The following DDX10 variants were observed in gnomAD, a reference collection of about 807,000 sequenced individuals.
DDX10 encodes the protein probable ATP-dependent RNA helicase DDX10.
DDX10 carries 74 observed loss-of-function variants against 104.3 expected under a neutral mutation model. That is an observed-to-expected ratio of 0.71 (90% confidence interval 0.59 to 0.86). The LOEUF (loss-of-function observed/expected upper bound fraction) is 0.86, where lower values mean the gene tolerates loss of function less well. Ranked by LOEUF, DDX10 falls within the 40% of genes least tolerant of loss-of-function variation. The pLI is 0.00. For synonymous variants in DDX10, 351 were observed against 353.4 expected, an observed-to-expected ratio of 0.99 and a Z score of 0.08; for missense variants, 952 against 1,040.0, an observed-to-expected ratio of 0.92 and a Z score of 1.16.
intron 16 of DDX10, among the ~76,000 whole-genome samples, chr11:108,874,890 G>A (rs1863131448): frequency 6.6e-6 from 1 of 152,072 alleles, no homozygotes; most frequent in Non-Finnish European, 1.5e-5. Flanking sequence ...TGAAAAAGAG[G>A]CTCTGGAATC....
chr11:108,707,704 A>C (rs895394070), intron 10 of DDX10, among the ~76,000 whole-genome samples: 3 of 152,198 alleles, frequency 2.0e-5, no homozygotes, highest in Admixed American at 2.0e-4. Context: ...ATAGGTTACT[A>C]AATAGAGGGT....
In DDX10 at chr11:108,867,434, A is replaced by G. The variant is rs763111728; in HGVS notation, c.2304+15225A>G. ...TTGGGAAATGTTGGTTGTTCAATTT[A>G]GGCCAATAATTTTTAAAATTGAGAT... On this transcript the variant is annotated intron_variant, in intron 16 of 17. Coordinates refer to ENST00000322536, the MANE Select transcript of DDX10 (RefSeq NM_004398.4). 2.2e-4 allele frequency among the ~76,000 whole-genome samples: 34 copies of G among 152,308 alleles called. No individual in the cohort carries two copies. In the Middle Eastern group the frequency reaches 0.014, roughly 61 times the overall value.
At chr11:108,699,967 G>A (rs938207601) in intron 9 of DDX10, among the ~76,000 whole-genome samples, 4 of 152,012 alleles carry the variant, frequency 2.6e-5, no homozygotes, top group Non-Finnish European at 5.9e-5. Context: ...TTGTATACTC[G>A]GTTACAAAGC....
chr11:108,698,133 C>A (rs754938014), intron 9 of DDX10, among the ~76,000 whole-genome samples: 85 of 152,196 alleles, frequency 5.6e-4, no homozygotes, highest in Admixed American at 9.2e-4. Context: ...AGGAAGATGG[C>A]CACTAGTTAA....
intron 16 of DDX10, among the ~76,000 whole-genome samples, chr11:108,870,020 G>A (rs951238567): frequency 3.9e-5 from 6 of 152,210 alleles, no homozygotes; most frequent in South Asian, 4.1e-4. Context: ...TAATATACCA[G>A]TGTTGGTTTC....
chr11:108,753,251 T>A (rs966604579), intron 13 of DDX10, among the ~76,000 whole-genome samples: 13 of 152,222 alleles, frequency 8.5e-5, no homozygotes, highest in Middle Eastern at 3.4e-3. Context: ...TGAATGCTTA[T>A]CCTTGGTTGG....
At chr11:108,902,425 G>A (rs755781208) in intron 16 of DDX10, among the ~76,000 whole-genome samples, 3 of 152,114 alleles carry the variant, frequency 2.0e-5, no homozygotes, top group Non-Finnish European at 4.4e-5. Context: ...GAAGAGGGTG[G>A]ACTTTGGAGT....
chr11:108,904,711 C>G (rs1863566975), intron 16 of DDX10, among the ~76,000 whole-genome samples: 2 of 151,420 alleles, frequency 1.3e-5, no homozygotes, highest in African/African-American at 2.4e-5. Flanking sequence ...TAGATCTCAA[C>G]TAGTTCCGTC....
At position 108,849,036 on chromosome 11, in the gene DDX10, A is replaced by T. The variant is rs535851494; in HGVS notation, c.2248-3117A>T. Among the ~76,000 whole-genome samples, 318 of 152,236 alleles carry T rather than the reference A, an allele frequency of 2.1e-3. 1 individual carries two copies. The highest frequency in any genetic ancestry group is 3.3e-3 in the South Asian group (16 of 4,824). Reference sequence around the variant, plus strand: ...TCCTTGTTATAGTTGTTACAGATTTATACATAGAAGTCCACTTTTTAATGT... The same window carrying T: ...TCCTTGTTATAGTTGTTACAGATTTTTACATAGAAGTCCACTTTTTAATGT... On this transcript the variant is annotated intron_variant, in intron 15 of 17. Transcript: ENST00000322536.
intron 15 of DDX10, among the ~76,000 whole-genome samples, chr11:108,846,105 T>C (rs763941658): frequency 7.9e-5 from 12 of 152,216 alleles, no homozygotes; most frequent in Admixed American, 2.0e-4. Flanking sequence ...TTTTTTACAT[T>C]TATTGTTTAT....
At chr11:108,769,676 T>A (rs376200766) in intron 13 of DDX10, among the ~76,000 whole-genome samples, 4 of 152,122 alleles carry the variant, frequency 2.6e-5, no homozygotes, top group Non-Finnish European at 5.9e-5. Flanking sequence ...CTTCCCACCG[T>A]GGGAATTTTG....
At chr11:108,838,612 A>G in intron 14 of DDX10, 47 bp downstream of exon 14, 1 of 1,561,374 alleles carries the variant, frequency 6.4e-7, no homozygotes, top group Non-Finnish European at 8.7e-7. Flanking sequence ...TTGGAGTATT[A>G]GAAGAGATCG....
At chr11:108,890,798 C>T (rs1297041609) in intron 16 of DDX10, among the ~76,000 whole-genome samples, 3 of 151,824 alleles carry the variant, frequency 2.0e-5, no homozygotes, top group East Asian at 1.9e-4. Context: ...AGGGAGGAAC[C>T]GTGGAAATAC....
chr11:108,773,928 G>A (rs1012148038), intron 13 of DDX10, among the ~76,000 whole-genome samples: 1 of 152,174 alleles, frequency 6.6e-6, no homozygotes, highest in Non-Finnish European at 1.5e-5. Flanking sequence ...TGTATTAGAT[G>A]AGATAGGAAG....
In DDX10 at chr11:108,821,551, C is replaced by T. The variant is rs375170356; in HGVS notation, c.1966-16895C>T. Among the ~76,000 whole-genome samples the T allele has an allele frequency of 9.2e-5, 14 of 151,906 alleles. No homozygotes were observed. The East Asian group carries it at 1.3e-3, about 15-fold the overall frequency. On this transcript the variant is annotated intron_variant, in intron 13 of 17. Transcript: ENST00000322536. ...TCTGCTAGCAACTTTAAATGGCTGTCAAACTTTTTTTAATGATTAAGTGCT... is the reference window on the plus strand; with the variant it reads ...TCTGCTAGCAACTTTAAATGGCTGTTAAACTTTTTTTAATGATTAAGTGCT...
chr11:108,903,043 C>G (rs1250947992), intron 16 of DDX10, among the ~76,000 whole-genome samples: 2 of 152,026 alleles, frequency 1.3e-5, no homozygotes, highest in Non-Finnish European at 2.9e-5. Context: ...AGCTGTATAC[C>G]AAGAGAATTG....
chr11:108,834,800 C>T (rs938673682), intron 13 of DDX10, among the ~76,000 whole-genome samples: 4 of 151,618 alleles, frequency 2.6e-5, no homozygotes, highest in African/African-American at 4.8e-5. Flanking sequence ...TGGTGGCGGG[C>T]GCCTGTAGTC....
At chr11:108,698,344 T>A (rs1251530873) in intron 9 of DDX10, among the ~76,000 whole-genome samples, 1 of 152,228 alleles carries the variant, frequency 6.6e-6, no homozygotes, top group Non-Finnish European at 1.5e-5. Flanking sequence ...GAGCAATCTT[T>A]GTTAGTGAAA....
At chr11:108,876,572 T>A (rs76319891) in intron 16 of DDX10, among the ~76,000 whole-genome samples, 2,354 of 152,220 alleles carry the variant, frequency 0.015, 58 homozygotes, top group African/African-American at 0.053. Context: ...TAAAACCCAG[T>A]GTATTGACTA....
Sources: allele counts gnomAD v4.1 joint callset (sites outside exome capture counted in the v4.1 genomes callset), GRCh38; gene constraint gnomAD v4.1.1; transcripts MANE v1.5; gene names NCBI Gene and HGNC (gene_info 2026-07-23, HGNC 2026-07-21).